The following NWD2 variants were observed in gnomAD, a reference collection of about 807,000 sequenced individuals.
The protein encoded by NWD2 is NACHT and WD repeat domain-containing protein 2.
NWD2 carries 37 observed loss-of-function variants against 132.7 expected under a neutral mutation model. The observed-to-expected ratio is 0.28, with a 90% confidence interval of 0.21 to 0.37. The LOEUF (loss-of-function observed/expected upper bound fraction) is 0.37. Among genes scored for constraint, NWD2 ranks in the 10% least tolerant of loss-of-function variants. NWD2 has a pLI of 1.00. For synonymous variants in NWD2, 705 were observed against 803.0 expected (o/e 0.88, Z 2.06); for missense variants, 1,592 against 2,122.4 (o/e 0.75, Z 4.91).
chr4:37,366,543 T>A (rs1720101896), intron 3 of NWD2, among the ~76,000 whole-genome samples: 1 of 152,178 alleles, frequency 6.6e-6, no homozygotes, highest in Non-Finnish European at 1.5e-5. Flanking sequence ...TTTTATTCAC[T>A]GTAAATAATC....
At position 37,424,236 on chromosome 4, in the gene NWD2, A is replaced by G. The variant is rs76237631; in HGVS notation, c.358-6336A>G. ...CATACATGGTAGCCCTGCCAAGGGTACTGCCTACAAGAGCTATCACAATCA... is the reference window on the plus strand; with the variant it reads ...CATACATGGTAGCCCTGCCAAGGGTGCTGCCTACAAGAGCTATCACAATCA... On this transcript the variant is annotated intron_variant, in intron 3 of 6. Coordinates refer to ENST00000309447, the MANE Select transcript of NWD2 (RefSeq NM_001144990.2). 8.5e-4 allele frequency among the ~76,000 whole-genome samples: 130 copies of G among 152,310 alleles called. 1 individual carries two copies. In the East Asian group the frequency reaches 0.023, roughly 27 times the overall value.
chr4:37,402,172 C>A (rs540818450), intron 3 of NWD2, among the ~76,000 whole-genome samples: 5 of 152,200 alleles, frequency 3.3e-5, no homozygotes, highest in African/African-American at 9.6e-5. Context: ...AGGGCCACAC[C>A]AGATGCTGAG....
Position 37,364,930 on chromosome 4 carries a change from G to A in NWD2, c.357+8448G>A, listed in dbSNP as rs530586480. ...GAACTGTGAAATCTGTTGTTATTCA[G>A]CAAGTTTGTTTTTTCACTAGGCAGA... is the stretch of plus-strand genomic sequence containing the variant. On this transcript the variant is annotated intron_variant, in intron 3 of 6. Coordinates refer to ENST00000309447, the MANE Select transcript of NWD2 (RefSeq NM_001144990.2). Among the ~76,000 whole-genome samples the A allele has an allele frequency of 3.3e-5, 5 of 152,282 alleles. No individual in the cohort carries two copies. In the South Asian group the frequency reaches 1.0e-3, roughly 32 times the overall value.
chr4:37,430,654 C>T lies in NWD2; in HGVS notation c.440C>T (p.Ala147Val), dbSNP rs769997174. 81 of 1,551,316 alleles carry T rather than the reference C, an allele frequency of 5.2e-5. No homozygotes were observed. Among genetic ancestry groups the T allele is most frequent in the Non-Finnish European group, 5.9e-5 (68 of 1,146,868 alleles). ...ASEFEMILDA[A>V]IEAKLETKLL... ...GAGTTTGAAATGATTTTGGATGCCG[C>T]CATAGAGGCAAAGCTGGAGACCAAG... The change falls in exon 4 of 7, where the codon GCC becomes GTC. Residue 147 changes from alanine to valine, a missense_variant. This residue lies in a region of NWD2 where 144 missense variants were observed against 185.7 expected (regional missense o/e 0.78). Transcript: ENST00000309447.
intron 3 of NWD2, among the ~76,000 whole-genome samples, chr4:37,371,068 T>G (rs979871862): frequency 1.7e-5 from 1 of 59,146 alleles, no homozygotes; most frequent in East Asian, 4.8e-4. Flanking sequence ...TTCAATTTTT[T>G]TTTCTTTTTC....
chr4:37,412,504 A>T (rs1721180362), intron 3 of NWD2, among the ~76,000 whole-genome samples: 1 of 152,218 alleles, frequency 6.6e-6, no homozygotes, highest in African/African-American at 2.4e-5. Flanking sequence ...ATGGAAAAAC[A>T]TTCCATGCTC....
At chr4:37,436,234 G>A (rs533651882) in intron 5 of NWD2, among the ~76,000 whole-genome samples, 1 of 152,154 alleles carries the variant, frequency 6.6e-6, no homozygotes, top group East Asian at 1.9e-4. Context: ...TAAGGAACAT[G>A]CAAAAACAGA....
rs10020323 is a variant in NWD2, at chr4:37,448,181, G to A, written c.*964G>A. The A allele has an allele frequency of 0.23, 34,704 of 152,086 alleles. 4,342 individuals carry two copies. The highest frequency in any genetic ancestry group is 0.54 in the East Asian group (2,780 of 5,166). The allele number at this position is 152,086 out of a possible 1,614,324, so 9.4% of individuals were successfully genotyped here. A position where few individuals can be genotyped will look rare whatever the true frequency, so the allele number is the denominator to read the frequency against. On this transcript the variant is annotated 3_prime_UTR_variant, in exon 7 of 7. Transcript: ENST00000309447. ...CAAGCTTTCTCAACATGCCATCTCTGAGATACTGATGACGTTTGCCTTACT... is the reference window on the plus strand; with the variant it reads ...CAAGCTTTCTCAACATGCCATCTCTAAGATACTGATGACGTTTGCCTTACT...
intron 1 of NWD2, among the ~76,000 whole-genome samples, chr4:37,247,235 T>C (rs1560376069): frequency 6.6e-6 from 1 of 152,260 alleles, no homozygotes; most frequent in Non-Finnish European, 1.5e-5. Context: ...TTTAATGATC[T>C]GAACGTGAAG....
chr4:37,275,279 A>G (rs1008305017), intron 1 of NWD2, among the ~76,000 whole-genome samples: 2 of 152,170 alleles, frequency 1.3e-5, no homozygotes, highest in African/African-American at 4.8e-5. Flanking sequence ...ATTCTTATAC[A>G]CCAATAACAG....
At chr4:37,381,748 C>G (rs1021494791) in intron 3 of NWD2, among the ~76,000 whole-genome samples, 1 of 152,190 alleles carries the variant, frequency 6.6e-6, no homozygotes, top group South Asian at 2.1e-4. Flanking sequence ...GACAGCCCAT[C>G]TGTTGCAGAA....
chr4:37,248,070 AC>A (rs1279520693), intron 1 of NWD2, among the ~76,000 whole-genome samples: 2 of 152,144 alleles, frequency 1.3e-5, no homozygotes, highest in African/African-American at 4.8e-5. Context: ...AAATTATACC[AC>A]TTGCCAGAAT....
intron 2 of NWD2, among the ~76,000 whole-genome samples, chr4:37,350,825 A>G (rs1719744165): frequency 6.6e-6 from 1 of 152,210 alleles, no homozygotes; most frequent in Non-Finnish European, 1.5e-5. Context: ...TGGGTTTGTC[A>G]TAAATAGCTC....
chr4:37,335,640 C>G (rs144911758), intron 2 of NWD2, among the ~76,000 whole-genome samples: 1 of 151,796 alleles, frequency 6.6e-6, no homozygotes, highest in African/African-American at 2.4e-5. Context: ...GTCAGATCAG[C>G]GGTGGCATTA....
intron 1 of NWD2, among the ~76,000 whole-genome samples, chr4:37,246,314 T>C (rs1347734545): frequency 2.0e-5 from 3 of 152,208 alleles, no homozygotes; most frequent in Admixed American, 6.5e-5. Context: ...AAAGTAACTT[T>C]CTAGAAAATT....
At chr4:37,418,196 G>C (rs567325599) in intron 3 of NWD2, among the ~76,000 whole-genome samples, 1 of 152,022 alleles carries the variant, frequency 6.6e-6, no homozygotes, top group African/African-American at 2.4e-5. Flanking sequence ...GGAAGCCAAC[G>C]AAAGAGCTCC....
At chr4:37,437,845 G>A (rs529162460) in intron 5 of NWD2, among the ~76,000 whole-genome samples, 1 of 152,270 alleles carries the variant, frequency 6.6e-6, no homozygotes, top group African/African-American at 2.4e-5. Flanking sequence ...TACGGTATAT[G>A]TTAGAAGAAA....
chr4:37,391,251 C>G (rs1239046154), intron 3 of NWD2, among the ~76,000 whole-genome samples: 1 of 152,170 alleles, frequency 6.6e-6, no homozygotes, highest in Non-Finnish European at 1.5e-5. Context: ...ATATCATACT[C>G]AAGAACTCTA....
chr4:37,439,048 C>T lies in NWD2; in HGVS notation c.954C>T (p.Tyr318=), dbSNP rs768021995. ...TIVASSNLRV[Y]TSVTHCDMKL... Reference sequence around the variant, plus strand: ...TTGCATCATCTAATCTGAGAGTGTACACATCTGTTACTCATTGTGACATGA... The same window carrying T: ...TTGCATCATCTAATCTGAGAGTGTATACATCTGTTACTCATTGTGACATGA... Residue 318 remains tyrosine (Y), a synonymous_variant, in exon 6 of 7, where the codon TAC becomes TAT. Transcript: ENST00000309447. This position sits in a 1 kb window ranked among gnomAD's most constrained non-coding sequence, Gnocchi z 4.5. 9.7e-6 allele frequency: 15 copies of T among 1,551,632 alleles called. No homozygotes were observed. The South Asian group carries it at 1.7e-4, about 17-fold the overall frequency.
Sources: gnomAD v4.1 joint callset for allele counts (sites outside exome capture counted in the v4.1 genomes callset) on GRCh38, gnomAD v4.1.1 for gene constraint, gnomAD v4.1.1 regional missense constraint, Gnocchi (gnomAD v3.1) non-coding constraint, MANE v1.5 for transcripts, NCBI Gene and HGNC (gene_info 2026-07-23, HGNC 2026-07-21) for gene names.